The following FLT4 variants were observed in gnomAD, a reference collection of about 807,000 sequenced individuals.
FLT4 encodes vascular endothelial growth factor receptor 3.
In FLT4, 30 loss-of-function variants were observed where a neutral mutation model predicts 163.2. The ratio of observed to expected loss-of-function variants is 0.18; its 90% CI spans 0.14 to 0.25. The LOEUF (loss-of-function observed/expected upper bound fraction) is 0.25, where lower values mean the gene tolerates loss of function less well. FLT4 is among the 10% of genes least tolerant of loss of function. FLT4 has a pLI of 1.00. For synonymous variants in FLT4, 884 were observed against 789.5 expected (o/e 1.12, Z -2.01); for missense variants, 1,510 against 1,863.8 (o/e 0.81, Z 3.50).
rs1016432193 is a variant in FLT4, at chr5:180,629,123, C to A, written c.986-124G>T. ...CCGCAGACTGGGGCTGGCCATGCCG[C>A]CCGGTGCAGGAGCTGGGCAGCTCCT... On this transcript the variant is annotated intron_variant, in intron 7 of 29. Coordinates refer to ENST00000261937, the MANE Select transcript of FLT4 (RefSeq NM_182925.5). The A allele has an allele frequency of 5.5e-6, 8 of 1,452,584 alleles. No homozygotes were observed. In the African/African-American group the frequency reaches 1.1e-4, roughly 20 times the overall value. The allele number at this position is 1,452,584 out of a possible 1,614,324, so 90.0% of individuals were successfully genotyped here.
In FLT4 at chr5:180,631,728, C is replaced by T. The variant is rs1268376969; in HGVS notation, c.109G>A (p.Glu37Lys). 5 of 1,610,932 alleles carry T rather than the reference C, an allele frequency of 3.1e-6. No individual in the cohort carries two copies. Among genetic ancestry groups the T allele is most frequent in the Admixed American group, 1.7e-5 (1 of 60,028 alleles). Reference protein sequence around the residue: ...MTPPTLNITEESHVIDTGDSL... With the variant: ...MTPPTLNITEKSHVIDTGDSL... ...TCACCGGTGTCGATGACGTGTGACT[C>T]CTCCGTGATGTTCAAGGTCGGGGGG... is the stretch of plus-strand genomic sequence containing the variant. Residue 37 changes from glutamate to lysine, a missense_variant, in exon 2 of 30, where the codon GAG (glutamate) becomes AAG (lysine). Coordinates refer to ENST00000261937, the MANE Select transcript of FLT4 (RefSeq NM_182925.5).
chr5:180,602,965 G>A lies in FLT4; in HGVS notation c.*227C>T. On this transcript the variant is annotated 3_prime_UTR_variant, in exon 30 of 30. Coordinates refer to ENST00000261937, the MANE Select transcript of FLT4 (RefSeq NM_182925.5). ...AAATGACATCTGAATCTCAGGGGGA[G>A]GGGCCGGGGCAGCTGGAGCGTGGCC... 1 of 598,278 alleles carries A rather than the reference G, an allele frequency of 1.7e-6. No homozygotes were observed. Among genetic ancestry groups the A allele is most frequent in the Non-Finnish European group, 3.0e-6 (1 of 335,168 alleles). 37.1% of individuals were successfully genotyped at this position (598,278 alleles called of 1,614,324 possible).
intron 27 of FLT4, 123 bp from the exon 28 acceptor site, chr5:180,610,148 G>T (rs1012005475): frequency 7.1e-7 from 1 of 1,416,452 alleles, no homozygotes; most frequent in Non-Finnish European, 9.8e-7. Flanking sequence ...CAGGAGTATG[G>T]ATGGGCCTGG....
chr5:180,613,217 T>A, intron 24 of FLT4, 107 bp from the exon 25 acceptor site: 1 of 741,108 alleles, frequency 1.3e-6, no homozygotes, highest in South Asian at 1.7e-5. Flanking sequence ...CCCCGTCCTG[T>A]CCCTTTCCCC....
At position 180,602,764 on chromosome 5, in the gene FLT4, G is replaced by T. The variant is rs914256940; in HGVS notation, c.*428C>A. 28 of 471,604 alleles carry T rather than the reference G, an allele frequency of 5.9e-5. No individual in the cohort carries two copies. Among genetic ancestry groups the T allele is most frequent in the Middle Eastern group, 5.3e-4 (1 of 1,870 alleles). 29.2% of individuals were successfully genotyped at this position (471,604 alleles called of 1,614,324 possible). On this transcript the variant is annotated 3_prime_UTR_variant, in exon 30 of 30. Coordinates refer to ENST00000261937, the MANE Select transcript of FLT4 (RefSeq NM_182925.5). ...TGTGCCTGAGGAGGAAAGGGCGTTT[G>T]GGAGACCTCTGCTCTCGTATGCCTT...
Position 180,608,567 on chromosome 5 carries a change from C to T in FLT4, c.3893+401G>A, listed in dbSNP as rs1282814432. Among the ~76,000 whole-genome samples, 6 of 152,154 alleles carry T rather than the reference C, an allele frequency of 3.9e-5. No homozygotes were observed. The East Asian group carries it at 1.2e-3, about 29-fold the overall frequency. On this transcript the variant is annotated intron_variant, in intron 29 of 29. Transcript: ENST00000261937. The stretch of plus-strand genomic sequence containing the variant: ...AGCCCCACAGGGCCGGACCCTACAC[C>T]AGCCAGTTCAGATTACAGTATCTAC...
chr5:180,638,573 G>A (rs575758131), intron 1 of FLT4, among the ~76,000 whole-genome samples: 18 of 152,154 alleles, frequency 1.2e-4, no homozygotes, highest in Non-Finnish European at 1.9e-4. Context: ...CAATCTCGCC[G>A]GTGCACTGGA....
At chr5:180,606,893 T>TAA (rs746617863) in intron 29 of FLT4, among the ~76,000 whole-genome samples, 50 of 15,556 alleles carry the variant, frequency 3.2e-3, no homozygotes, top group African/African-American at 4.2e-3. Flanking sequence ...CCGTCTCTAC[T>TAA]AAAAAAAAAA....
intron 7 of FLT4, 62 bp from the exon 8 acceptor site, chr5:180,629,061 T>A: frequency 6.7e-7 from 1 of 1,497,638 alleles, no homozygotes; most frequent in Non-Finnish European, 9.3e-7. Flanking sequence ...GACCAGGGAC[T>A]CCCCCCACGG....
At position 180,623,877 on chromosome 5, in the gene FLT4, CCTCT is replaced by C; in HGVS notation, c.1548+54_1548+57del. ...GGTGGAAACCACATGGCAGTAATGG[CCTCT>C]CTCTCCTCCCTTCTCCTTCTCCCTG... On this transcript the variant is annotated intron_variant, in intron 11 of 29. Transcript: ENST00000261937. This position sits in a 1 kb window ranked among gnomAD's most constrained non-coding sequence, Gnocchi z 5.8. 1 of 1,598,062 alleles carries C rather than the reference CCTCT, an allele frequency of 6.3e-7. No individual in the cohort carries two copies. Among genetic ancestry groups the C allele is most frequent in the South Asian group, 1.1e-5 (1 of 90,784 alleles).
At chr5:180,638,819 G>T (rs1033553760) in intron 1 of FLT4, among the ~76,000 whole-genome samples, 1 of 152,140 alleles carries the variant, frequency 6.6e-6, no homozygotes, top group African/African-American at 2.4e-5. Context: ...GTCCCAACTT[G>T]GAATTATTTA....
Position 180,619,647 on chromosome 5 carries a change from C to G in FLT4, c.2647+18G>C. On this transcript the variant is annotated intron_variant, in intron 18 of 29. Coordinates refer to ENST00000261937, the MANE Select transcript of FLT4 (RefSeq NM_182925.5). ...TCCTCACCAGCTAGGCTGCCCCTTC[C>G]GCCCGCTGACCCCACACCTTTCAGC... is the stretch of plus-strand genomic sequence containing the variant. 6.3e-7 allele frequency: 1 copy of G among 1,599,472 alleles called. No individual in the cohort carries two copies. The highest frequency in any genetic ancestry group is 8.6e-7 in the Non-Finnish European group (1 of 1,167,862).
chr5:180,646,437 C>A (rs777559300), intron 1 of FLT4, among the ~76,000 whole-genome samples: 10 of 152,194 alleles, frequency 6.6e-5, no homozygotes, highest in African/African-American at 2.4e-4. Flanking sequence ...ACCGGACCAC[C>A]CACTTGGCCA....
intron 1 of FLT4, among the ~76,000 whole-genome samples, chr5:180,637,330 G>GA (rs375090031): frequency 0.037 from 4,425 of 118,722 alleles, 215 homozygotes; most frequent in African/African-American, 0.12. Flanking sequence ...TCCGTCTCAG[G>GA]AAAAAAAAAA....
intron 13 of FLT4, 22 bp downstream of exon 13, chr5:180,621,520 C>T: frequency 1.2e-6 from 2 of 1,610,084 alleles, no homozygotes; most frequent in Non-Finnish European, 1.7e-6. Context: ...CGCGTCCCCG[C>T]CCTCCCCGCG....
At chr5:180,628,239 G>C (rs1763790257) in intron 8 of FLT4, among the ~76,000 whole-genome samples, 1 of 152,202 alleles carries the variant, frequency 6.6e-6, no homozygotes, top group Non-Finnish European at 1.5e-5. Context: ...GGATGACTCA[G>C]ACGGCCTGAG....
In FLT4 at chr5:180,608,399, G is replaced by A. The variant is rs563212500; in HGVS notation, c.3893+569C>T. ...TGTCTTGCATGCAATAAATATCAGC[G>A]TGCTCAGCCATTCGGGGCCACTACC... On this transcript the variant is annotated intron_variant, in intron 29 of 29. Coordinates refer to ENST00000261937, the MANE Select transcript of FLT4 (RefSeq NM_182925.5). 161 of 694,988 alleles carry A rather than the reference G, an allele frequency of 2.3e-4. No homozygotes were observed. In the African/African-American group the frequency reaches 2.5e-3, roughly 11 times the overall value. 43.1% of individuals were successfully genotyped at this position (694,988 alleles called of 1,614,324 possible).
rs558950917 is a variant in FLT4, at chr5:180,623,634, C to T, written c.1548+301G>A. On this transcript the variant is annotated intron_variant, in intron 11 of 29. Transcript: ENST00000261937. The surrounding 1 kb of genome is among the most constrained non-coding windows in gnomAD (Gnocchi z 5.8). ...GACCTGGTCAGCCTCCAGCCCTGTCCCCTCCTGGTCCTGGGGCCTGTGGGC... is the reference window on the plus strand; with the variant it reads ...GACCTGGTCAGCCTCCAGCCCTGTCTCCTCCTGGTCCTGGGGCCTGTGGGC... Among the ~76,000 whole-genome samples the T allele has an allele frequency of 6.6e-6, 1 of 152,330 alleles. No homozygotes were observed. The highest frequency in any genetic ancestry group is 2.1e-4 in the South Asian group (1 of 4,830).
At position 180,620,809 on chromosome 5, in the gene FLT4, A is replaced by C; in HGVS notation, c.2299+67T>G. On this transcript the variant is annotated intron_variant, in intron 15 of 29. Coordinates refer to ENST00000261937, the MANE Select transcript of FLT4 (RefSeq NM_182925.5). The surrounding 1 kb of genome is among the most constrained non-coding windows in gnomAD (Gnocchi z 4.4). ...CCTTCTGGTGGCCACGACTTGCCCA[A>C]GGTGGCCACAAGAAAGCGTTAACTG... 1.2e-6 allele frequency: 2 copies of C among 1,606,342 alleles called. No individual in the cohort carries two copies. Among genetic ancestry groups the C allele is most frequent in the Non-Finnish European group, 1.7e-6 (2 of 1,175,960 alleles).
Sources: gnomAD v4.1 joint callset for allele counts (sites outside exome capture counted in the v4.1 genomes callset) on GRCh38, gnomAD v4.1.1 for gene constraint, Gnocchi (gnomAD v3.1) non-coding constraint, MANE v1.5 for transcripts, NCBI Gene and HGNC (gene_info 2026-07-23, HGNC 2026-07-21) for gene names.